PML: variants seen among roughly 807,000 people sequenced by gnomAD.
PML encodes the protein protein PML.
In PML, 28 loss-of-function variants were observed where a neutral mutation model predicts 65.2. The observed-to-expected ratio is 0.43, with a 90% CI of 0.32 to 0.59. The LOEUF is 0.59. Ranked by LOEUF, PML falls within the 20% of genes least tolerant of loss-of-function variation. PML has a pLI of 0.08. For synonymous variants in PML, 500 were observed against 508.8 expected (o/e 0.98, Z 0.23); for missense variants, 1,021 against 1,203.4 (o/e 0.85, Z 2.24).
chr15:74,005,465 T>C (rs2069996322), intron 2 of PML, among the ~76,000 whole-genome samples: 1 of 151,884 alleles, frequency 6.6e-6, no homozygotes, highest in African/African-American at 2.4e-5. Flanking sequence ...TTTGCTTTTT[T>C]CCCCGAGATT....
chr15:74,009,844 C>T (rs762192473), intron 2 of PML, among the ~76,000 whole-genome samples: 1 of 152,106 alleles, frequency 6.6e-6, no homozygotes, highest in African/African-American at 2.4e-5. Flanking sequence ...TGAGCCACCA[C>T]GCCCAGCCAG....
intron 4 of PML, chr15:74,032,358 C>T (rs544662141): frequency 3.3e-6 from 2 of 597,056 alleles, no homozygotes; most frequent in South Asian, 4.0e-5. Flanking sequence ...ATAGTGAGAC[C>T]CTGTCTCTAC....
intron 4 of PML, among the ~76,000 whole-genome samples, chr15:74,029,028 G>A (rs868507200): frequency 1.3e-5 from 2 of 152,156 alleles, no homozygotes; most frequent in African/African-American, 2.4e-5. Context: ...AAGTGGGATC[G>A]CTGGATCATA....
intron 1 of PML, among the ~76,000 whole-genome samples, chr15:73,996,100 T>A (rs1289896178): frequency 6.6e-6 from 1 of 152,208 alleles, no homozygotes; most frequent in Admixed American, 6.5e-5. Context: ...ATGGATAAGT[T>A]CCTATGTTAA....
chr15:73,994,902 T>C lies in PML; in HGVS notation c.90T>C (p.Ser30=). The change falls in exon 1 of 9, where the codon TCT becomes TCC. Residue 30 remains serine, a synonymous_variant. Coordinates refer to ENST00000268058, the MANE Select transcript of PML (RefSeq NM_033238.3). ...CCATGCCTCCCCCCGAGACCCCCTC[T>C]GAAGGCCGCCAGCCCAGCCCCAGCC... ...EPTMPPPETP[S]EGRQPSPSPS... The C allele has an allele frequency of 6.6e-7, 1 of 1,518,452 alleles. No homozygotes were observed. Among genetic ancestry groups the C allele is most frequent in the Non-Finnish European group, 8.9e-7 (1 of 1,125,970 alleles). 94.1% of individuals were successfully genotyped at this position (1,518,452 alleles called of 1,614,324 possible). A position where few individuals can be genotyped will look rare whatever the true frequency, so the allele number is the denominator to read the frequency against.
intron 1 of PML, among the ~76,000 whole-genome samples, chr15:73,997,087 C>G (rs957280261): frequency 1.1e-4 from 16 of 152,212 alleles, no homozygotes; most frequent in African/African-American, 3.6e-4. Flanking sequence ...CCAAATACCC[C>G]CTAGAGGTTT....
At chr15:74,030,194 G>A (rs950195708) in intron 4 of PML, among the ~76,000 whole-genome samples, 6 of 152,234 alleles carry the variant, frequency 3.9e-5, no homozygotes, top group African/African-American at 1.4e-4. Flanking sequence ...GCTTGTCCCT[G>A]TGAGGAAGGT....
At chr15:74,032,495 G>A in intron 4 of PML, 77 bp from the exon 5 acceptor site, 15 of 1,538,974 alleles carry the variant, frequency 9.7e-6, no homozygotes, top group Non-Finnish European at 1.3e-5. Flanking sequence ...CAGGGATTAG[G>A]CCAACCACAG....
intron 1 of PML, 91 bp downstream of exon 1, chr15:73,995,032 G>T (rs1816849116): frequency 1.6e-6 from 2 of 1,220,084 alleles, no homozygotes; most frequent in Non-Finnish European, 2.3e-6. Flanking sequence ...GGAGGATTTG[G>T]TCAAGTACCC....
At chr15:74,012,268 C>T (rs1272639027) in intron 2 of PML, among the ~76,000 whole-genome samples, 3 of 152,312 alleles carry the variant, frequency 2.0e-5, no homozygotes, top group East Asian at 1.9e-4. Flanking sequence ...CTCCGCCTCC[C>T]GGGTTCAAGC....
At position 74,006,309 on chromosome 15, in the gene PML, T is replaced by C. The variant is rs368202755; in HGVS notation, c.602+7833T>C. Among the ~76,000 whole-genome samples, 27 of 143,228 alleles carry C rather than the reference T, an allele frequency of 1.9e-4. No individual in the cohort carries two copies. In the East Asian group the frequency reaches 2.9e-3, roughly 15 times the overall value. 94.0% of individuals were successfully genotyped at this position (143,228 alleles called of 152,430 possible). On this transcript the variant is annotated intron_variant, in intron 2 of 8. Transcript: ENST00000268058. ...AGGAGGCTGAGGCAGGAGAATTGCATGAACCCTGGAGGTGGAGGCTGCAGT... is the reference window on the plus strand; with the variant it reads ...AGGAGGCTGAGGCAGGAGAATTGCACGAACCCTGGAGGTGGAGGCTGCAGT...
chr15:74,005,814 C>A (rs907499235), intron 2 of PML, among the ~76,000 whole-genome samples: 1 of 152,116 alleles, frequency 6.6e-6, no homozygotes, highest in Non-Finnish European at 1.5e-5. Flanking sequence ...GCTATCTGCT[C>A]CCATGTAAAA....
chr15:74,004,717 TA>T lies in PML; in HGVS notation c.602+6243del, dbSNP rs1259578211. On this transcript the variant is annotated intron_variant, in intron 2 of 8. Coordinates refer to ENST00000268058, the MANE Select transcript of PML (RefSeq NM_033238.3). Reference sequence around the variant, plus strand: ...CTCAGGGAAATTGTATTCTGCTTTTTAATTTTTTTTTTTTTTTTGAGATAGA... The same window carrying T: ...CTCAGGGAAATTGTATTCTGCTTTTTATTTTTTTTTTTTTTTTGAGATAGA... Among the ~76,000 whole-genome samples the T allele has an allele frequency of 2.0e-5, 3 of 151,928 alleles. No individual in the cohort carries two copies. In the East Asian group the frequency reaches 5.8e-4, roughly 29 times the overall value.
intron 2 of PML, among the ~76,000 whole-genome samples, chr15:74,018,322 CAAA>C (rs10663510): frequency 2.1e-5 from 2 of 94,860 alleles, no homozygotes; most frequent in Non-Finnish European, 2.1e-5. Context: ...GACTCAGTCT[CAAA>C]AAAAAAAAAA....
At chr15:73,998,619 T>G (rs929309563) in intron 2 of PML, 143 bp downstream of exon 2, 1 of 714,398 alleles carries the variant, frequency 1.4e-6, no homozygotes, top group African/African-American at 1.8e-5. Flanking sequence ...AGATATGCAG[T>G]GTCCGTGTTG....
intron 2 of PML, among the ~76,000 whole-genome samples, chr15:74,000,092 A>G (rs531613768): frequency 6.6e-6 from 1 of 152,010 alleles, no homozygotes; most frequent in Admixed American, 6.6e-5. Context: ...CGGCCTCCCA[A>G]AGTTCTGGGA....
rs1273869549 is a variant in PML at position 74,032,666 on chromosome 15, A to T, written c.1349A>T (p.His450Leu). Residue 450 changes from histidine to leucine, a missense_variant, in exon 5 of 9, where the codon CAC becomes CTC. Coordinates refer to ENST00000268058, the MANE Select transcript of PML (RefSeq NM_033238.3). ...GTGGTACAGTCAGTGCCCGGGGCAC[A>T]CCCCGTGCCAGTGTACGCCTTCTCC... is the stretch of plus-strand genomic sequence containing the variant. ...MAVVQSVPGA[H>L]PVPVYAFSIK... is the part of the protein sequence containing the mutation. The T allele has an allele frequency of 6.2e-7, 1 of 1,613,838 alleles. No individual in the cohort carries two copies. The highest frequency in any genetic ancestry group is 1.7e-5 in the Admixed American group (1 of 60,006).
intron 5 of PML, 42 bp from the exon 6 acceptor site, chr15:74,033,114 C>A: frequency 6.2e-7 from 1 of 1,611,880 alleles, no homozygotes. Context: ...CCCACTCACC[C>A]CTGCAGGCAC....
At chr15:74,034,700 G>C (rs1469526132) in intron 7 of PML, 170 bp downstream of exon 7, 1 of 1,536,394 alleles carries the variant, frequency 6.5e-7, no homozygotes, top group Non-Finnish European at 8.8e-7. Flanking sequence ...ACAGCTGCAT[G>C]CCTGGACCAC....
Sources: gnomAD v4.1 joint callset for allele counts (sites outside exome capture counted in the v4.1 genomes callset) on GRCh38, gnomAD v4.1.1 for gene constraint, MANE v1.5 for transcripts, NCBI Gene and HGNC (gene_info 2026-07-23, HGNC 2026-07-21) for gene names.